CCDC7: variants seen among roughly 807,000 people sequenced by gnomAD.
CCDC7 encodes coiled-coil domain-containing protein 7.
A neutral mutation model predicts 196.9 loss-of-function variants in CCDC7; 183 were observed. That is an observed-to-expected ratio of 0.93 (90% CI 0.82 to 1.05). The LOEUF is 1.05. Among genes scored for constraint, CCDC7 ranks in the 50% least tolerant of loss-of-function variants. The probability of loss-of-function intolerance (pLI) is 0.00; values close to 1 mark genes in which losing one functional copy is unlikely to be tolerated. For missense variants in CCDC7, 1,540 were observed against 1,482.2 expected (o/e 1.04, Z -0.64); for synonymous variants, 525 against 484.6 (o/e 1.08, Z -1.10).
chr10:32,549,205 T>G (rs1379638068), intron 13 of CCDC7, among the ~76,000 whole-genome samples: 1 of 152,238 alleles, frequency 6.6e-6, no homozygotes, highest in East Asian at 1.9e-4. Context: ...GCCATTTGTA[T>G]ATCTTCTTTT....
At chr10:32,791,405 G>T (rs2082682734) in intron 29 of CCDC7, among the ~76,000 whole-genome samples, 1 of 151,850 alleles carries the variant, frequency 6.6e-6, no homozygotes, top group South Asian at 2.1e-4. Context: ...TTCCTGAAAA[G>T]GAATTCAAAA....
chr10:32,779,266 TC>T (rs2080641052), intron 29 of CCDC7, among the ~76,000 whole-genome samples, 182 bp downstream of exon 30: 2 of 152,376 alleles, frequency 1.3e-5, no homozygotes, highest in African/African-American at 4.8e-5. Context: ...GTGTTTTTAC[TC>T]CATCAGACAA....
chr10:32,542,469 C>T (rs1486802730), intron 11 of CCDC7, among the ~76,000 whole-genome samples: 1 of 151,838 alleles, frequency 6.6e-6, no homozygotes, highest in African/African-American at 2.4e-5. Flanking sequence ...CCTGTCTCTA[C>T]TAAAAATACA....
At chr10:32,623,010 C>G (rs547718796) in intron 18 of CCDC7, among the ~76,000 whole-genome samples, 1 of 152,124 alleles carries the variant, frequency 6.6e-6, no homozygotes, top group Non-Finnish European at 1.5e-5. Flanking sequence ...TTCGCAAACT[C>G]TCTTCTGAAT....
At chr10:32,867,391 T>A (rs1173766302) in intron 41 of CCDC7, among the ~76,000 whole-genome samples, 2 of 151,588 alleles carry the variant, frequency 1.3e-5, no homozygotes, top group African/African-American at 4.8e-5. Flanking sequence ...TTTATAAATA[T>A]ATGTACATAA....
chr10:32,596,701 G>GCT (rs1445957416), intron 18 of CCDC7, among the ~76,000 whole-genome samples: 2 of 152,196 alleles, frequency 1.3e-5, no homozygotes, highest in African/African-American at 4.8e-5. Flanking sequence ...TCCTTCAGGA[G>GCT]CTCTTGTAAG....
chr10:32,451,990 A>G, intron 1 of CCDC7, 69 bp downstream of exon 2: 2 of 1,505,398 alleles, frequency 1.3e-6, no homozygotes, highest in Non-Finnish European at 1.8e-6. Context: ...ATGTGCTAGG[A>G]GGACTCACAT....
intron 4 of CCDC7, 114 bp downstream of exon 5, chr10:32,462,817 T>G (rs1009610161): frequency 7.9e-7 from 1 of 1,263,562 alleles, no homozygotes; most frequent in Non-Finnish European, 1.1e-6. Context: ...TACTTGCTGC[T>G]CTATATATTT....
chr10:32,821,846 A>G (rs2090282792), intron 31 of CCDC7, among the ~76,000 whole-genome samples: 1 of 152,152 alleles, frequency 6.6e-6, no homozygotes, highest in African/African-American at 2.4e-5. Context: ...GCATTAGGAG[A>G]TATACCTAAT....
At chr10:32,786,571 G>A (rs1279127897) in intron 29 of CCDC7, among the ~76,000 whole-genome samples, 4 of 152,146 alleles carry the variant, frequency 2.6e-5, no homozygotes, top group Admixed American at 6.5e-5. Context: ...GACCAGCCTG[G>A]CCAACATGGC....
intron 24 of CCDC7, among the ~76,000 whole-genome samples, chr10:32,695,522 C>A (rs368794753): frequency 6.6e-6 from 1 of 152,080 alleles, no homozygotes; most frequent in Non-Finnish European, 1.5e-5. Flanking sequence ...TGAAGATGCC[C>A]GTTAAGGGAA....
Position 32,702,031 on chromosome 10 carries a change from GT to G in CCDC7, c.2458+7040del, listed in dbSNP as rs1565200636. On this transcript the variant is annotated intron_variant, in intron 24 of 41. Coordinates refer to ENST00000639629, the Ensembl canonical transcript of CCDC7. ...TGTCTCTATTTCCTTCAGTTTTGCT[GT>G]GATCTTAGTTATTTCTTGCCTTCTG... 2.6e-5 allele frequency among the ~76,000 whole-genome samples: 4 copies of G among 152,006 alleles called. No individual in the cohort carries two copies. The South Asian group carries it at 8.3e-4, about 32-fold the overall frequency.
intron 9 of CCDC7, among the ~76,000 whole-genome samples, chr10:32,497,915 G>A (rs752737337): frequency 2.0e-5 from 3 of 152,074 alleles, no homozygotes; most frequent in Non-Finnish European, 4.4e-5. Flanking sequence ...AGTTCTGCTT[G>A]GTCTGGAGCT....
rs2057724447 is a variant in CCDC7, at chr10:32,572,787, G to A, written c.1454+894G>A. ...AACATTTGAGAATGTATAAGAAAAA[G>A]TATTAATAATTATCTTCAACAGTAA... On this transcript the variant is annotated intron_variant, in intron 16 of 41. Transcript: ENST00000639629. Among the ~76,000 whole-genome samples, 3 of 146,754 alleles carry A rather than the reference G, an allele frequency of 2.0e-5. No individual in the cohort carries two copies. The South Asian group carries it at 6.7e-4, about 33-fold the overall frequency.
rs1300170125 is a variant in CCDC7 at position 32,615,423 on chromosome 10, G to A, written c.1802-18831G>A. Among the ~76,000 whole-genome samples the A allele has an allele frequency of 1.3e-5, 2 of 152,062 alleles. 1 individual carries two copies. Among genetic ancestry groups the A allele is most frequent in the Non-Finnish European group, 2.9e-5 (2 of 67,980 alleles). On this transcript the variant is annotated intron_variant, in intron 18 of 41. Transcript: ENST00000639629. The stretch of plus-strand genomic sequence containing the variant: ...TGTTTTTTATTTGCATTTCTCTGAT[G>A]ATTTCTAAGATTGGACCGTCTTTCA...
chr10:32,563,284 A>G (rs1165805017), intron 13 of CCDC7, among the ~76,000 whole-genome samples: 2 of 152,188 alleles, frequency 1.3e-5, no homozygotes, highest in East Asian at 1.9e-4. Context: ...TTCTTCACAG[A>G]ATTGGAAAAA....
chr10:32,576,867 C>T (rs939921514), intron 16 of CCDC7, among the ~76,000 whole-genome samples: 7 of 152,124 alleles, frequency 4.6e-5, no homozygotes, highest in Non-Finnish European at 4.4e-5. Context: ...TCCTTCATAG[C>T]GGGATGGATT....
intron 23 of CCDC7, 42 bp downstream of exon 24, chr10:32,689,205 T>G (rs1458755396): frequency 7.7e-7 from 1 of 1,307,024 alleles, no homozygotes; most frequent in Non-Finnish European, 1.1e-6. Context: ...TATTTAAAAG[T>G]AAGTTCATCC....
downstream of CCDC7, chr10:32,876,608 A>C (rs1437098445): frequency 2.6e-6 from 1 of 380,076 alleles, no homozygotes; most frequent in African/African-American, 2.1e-5. Flanking sequence ...AAATTACTTT[A>C]TTACTTTTCT....
Sources: gnomAD v4.1 joint callset for allele counts (sites outside exome capture counted in the v4.1 genomes callset) on GRCh38, gnomAD v4.1.1 for gene constraint, MANE v1.5 for transcripts, NCBI Gene and HGNC (gene_info 2026-07-23, HGNC 2026-07-21) for gene names.